The following MMP16 variants were observed in gnomAD, a reference collection of about 807,000 sequenced individuals.
MMP16 encodes the protein matrix metallopeptidase 16.
Under a neutral mutation model 67.8 loss-of-function variants are expected in MMP16, and 12 were observed. The ratio of observed to expected loss-of-function variants is 0.18; its 90% CI spans 0.11 to 0.29. The LOEUF is 0.29. MMP16 is among the 10% of genes least tolerant of loss of function. MMP16 has a pLI of 1.00. For missense variants in MMP16, 475 were observed against 765.7 expected (o/e 0.62, Z 4.48); for synonymous variants, 249 against 255.9 (o/e 0.97, Z 0.26).
chr8:88,185,015 A>G (rs1412633477), intron 3 of MMP16, among the ~76,000 whole-genome samples: 1 of 152,196 alleles, frequency 6.6e-6, no homozygotes, highest in African/African-American at 2.4e-5. Context: ...AATTTAAATG[A>G]TGGTGAATAC....
intron 2 of MMP16, among the ~76,000 whole-genome samples, chr8:88,187,704 A>T (rs1378770496): frequency 6.6e-6 from 1 of 152,188 alleles, no homozygotes; most frequent in Non-Finnish European, 1.5e-5. Context: ...TGCTTTTACA[A>T]ACATAATAAC....
Position 88,036,183 on chromosome 8 carries a change from A to G in MMP16, c.*5278T>C, listed in dbSNP as rs1457542531. The stretch of plus-strand genomic sequence containing the variant: ...ACATTTTTAGCCTGTAAGGCAATGC[A>G]TGAGTATCAGATGTGTTTAAGCACA... On this transcript the variant is annotated 3_prime_UTR_variant, in exon 10 of 10. Transcript: ENST00000286614. The G allele has an allele frequency of 6.6e-6, 1 of 151,952 alleles. No homozygotes were observed. The highest frequency in any genetic ancestry group is 1.5e-5 in the Non-Finnish European group (1 of 67,870). The allele number at this position is 151,952 out of a possible 1,614,324, so 9.4% of individuals were successfully genotyped here.
intron 1 of MMP16, among the ~76,000 whole-genome samples, chr8:88,308,871 G>C (rs960905642): frequency 6.6e-6 from 1 of 151,738 alleles, no homozygotes; most frequent in African/African-American, 2.4e-5. Context: ...TCAATAAAAA[G>C]AGAAGACAAA....
At chr8:88,287,562 T>C (rs970350435) in intron 1 of MMP16, among the ~76,000 whole-genome samples, 1 of 152,224 alleles carries the variant, frequency 6.6e-6, no homozygotes, top group Non-Finnish European at 1.5e-5. Flanking sequence ...TTTTTGTTCA[T>C]TGTTACATCC....
intron 1 of MMP16, among the ~76,000 whole-genome samples, chr8:88,250,855 C>T (rs1810203179): frequency 6.6e-6 from 1 of 151,036 alleles, no homozygotes; most frequent in Non-Finnish European, 1.5e-5. Flanking sequence ...CATACATGTG[C>T]CATGCTGGTG....
At chr8:88,052,549 A>C (rs141091677) in intron 8 of MMP16, among the ~76,000 whole-genome samples, 1 of 152,300 alleles carries the variant, frequency 6.6e-6, no homozygotes, top group Non-Finnish European at 1.5e-5. Flanking sequence ...AATACACAGA[A>C]GATCATGTCA....
At chr8:88,158,941 G>A (rs1457115503) in intron 4 of MMP16, among the ~76,000 whole-genome samples, 5 of 152,116 alleles carry the variant, frequency 3.3e-5, no homozygotes, top group African/African-American at 7.2e-5. Context: ...CCCATTTCTT[G>A]TTCTTGTCAG....
chr8:88,244,858 T>C (rs947308498), intron 1 of MMP16, among the ~76,000 whole-genome samples: 1 of 152,198 alleles, frequency 6.6e-6, no homozygotes, highest in Non-Finnish European at 1.5e-5. Flanking sequence ...TCTCAGTTGA[T>C]ATTACTCAGA....
chr8:88,107,023 T>C lies in MMP16; in HGVS notation c.1083+9484A>G, dbSNP rs1809253843. 2.0e-5 allele frequency among the ~76,000 whole-genome samples: 3 copies of C among 151,186 alleles called. No individual in the cohort carries two copies. In the South Asian group the frequency reaches 6.2e-4, roughly 31 times the overall value. On this transcript the variant is annotated intron_variant, in intron 6 of 9. Coordinates refer to ENST00000286614, the MANE Select transcript of MMP16 (RefSeq NM_005941.5). ...TCAAAATACAAAAGATTTTGCAAGT[T>C]TTCTTCTAGTACTTTTATGGTTTAA...
chr8:88,243,737 G>C (rs1304833830), intron 1 of MMP16, among the ~76,000 whole-genome samples: 1 of 152,154 alleles, frequency 6.6e-6, no homozygotes, highest in Non-Finnish European at 1.5e-5. Context: ...TGTTTAGTAA[G>C]CAGGGATCGT....
intron 1 of MMP16, among the ~76,000 whole-genome samples, chr8:88,214,280 T>G (rs766193966): frequency 6.6e-6 from 1 of 152,142 alleles, no homozygotes; most frequent in Non-Finnish European, 1.5e-5. Context: ...AGGCAAAACA[T>G]AGCCCAGTCT....
rs150568343 is a variant in MMP16 at position 88,097,069 on chromosome 8, C to T, written c.1083+19438G>A. On this transcript the variant is annotated intron_variant, in intron 6 of 9. Coordinates refer to ENST00000286614, the MANE Select transcript of MMP16 (RefSeq NM_005941.5). ...CACATGCACAGAATGGGCTCCTTCA[C>T]GTGGCAGATTTTAAAATATTCGATG... Among the ~76,000 whole-genome samples the T allele has an allele frequency of 7.7e-3, 1,166 of 151,960 alleles. 25 individuals are homozygous for T. The highest frequency in any genetic ancestry group is 0.026 in the African/African-American group (1,095 of 41,506).
intron 7 of MMP16, among the ~76,000 whole-genome samples, chr8:88,062,083 A>C (rs1563520664): frequency 1.3e-5 from 2 of 152,136 alleles, no homozygotes; most frequent in Non-Finnish European, 2.9e-5. Context: ...GAAATAACTC[A>C]ATAATAATTA....
Position 88,036,118 on chromosome 8 carries a change from T to C in MMP16, c.*5343A>G, listed in dbSNP as rs1265336036. On this transcript the variant is annotated 3_prime_UTR_variant, in exon 10 of 10. Coordinates refer to ENST00000286614, the MANE Select transcript of MMP16 (RefSeq NM_005941.5). ...CTTGTCTCAGGGGATTCTAACATTA[T>C]ATATCTTTCCAACTTGAGGTTACTG... 2 of 151,940 alleles carry C rather than the reference T, an allele frequency of 1.3e-5. No individual in the cohort carries two copies. The highest frequency in any genetic ancestry group is 2.9e-5 in the Non-Finnish European group (2 of 67,854). The allele number at this position is 151,940 out of a possible 1,614,324, so 9.4% of individuals were successfully genotyped here.
chr8:88,243,023 A>G (rs1327445845), intron 1 of MMP16, among the ~76,000 whole-genome samples: 1 of 152,186 alleles, frequency 6.6e-6, no homozygotes, highest in African/African-American at 2.4e-5. Context: ...GAAATGCCCT[A>G]TAATCTCAGA....
chr8:88,319,806 A>G (rs1242261347), intron 1 of MMP16, among the ~76,000 whole-genome samples: 2 of 152,152 alleles, frequency 1.3e-5, no homozygotes, highest in Admixed American at 6.5e-5. Flanking sequence ...AACAAATACT[A>G]TAAGATTCCG....
intron 1 of MMP16, among the ~76,000 whole-genome samples, chr8:88,264,488 G>A (rs10104363): frequency 1 from 152,082 of 152,316 alleles, 75,926 homozygotes; most frequent in Non-Finnish European, 1. Flanking sequence ...GATACGACCA[G>A]CCATGCCCAG....
chr8:88,169,555 T>C (rs1808766731), intron 3 of MMP16, among the ~76,000 whole-genome samples: 1 of 152,220 alleles, frequency 6.6e-6, no homozygotes, highest in African/African-American at 2.4e-5. Context: ...ATATCTAAGA[T>C]AAATTTTTCA....
intron 6 of MMP16, among the ~76,000 whole-genome samples, chr8:88,085,418 C>T (rs1357684200): frequency 2.0e-5 from 3 of 151,952 alleles, no homozygotes; most frequent in African/African-American, 4.8e-5. Flanking sequence ...CTAAGACAGT[C>T]GTGAATGTCT....
Sources: gnomAD v4.1 joint callset for allele counts (sites outside exome capture counted in the v4.1 genomes callset) on GRCh38, gnomAD v4.1.1 for gene constraint, MANE v1.5 for transcripts, NCBI Gene and HGNC (gene_info 2026-07-23, HGNC 2026-07-21) for gene names.